ACSM3: variants seen among roughly 807,000 people sequenced by gnomAD.
ACSM3 encodes the protein acyl-CoA synthetase medium chain family member 3, also known as acyl-coenzyme A synthetase ACSM3, mitochondrial.
ACSM3 carries 61 observed loss-of-function variants against 74.1 expected under a neutral mutation model. The ratio of observed to expected loss-of-function variants is 0.82; its 90% CI spans 0.67 to 1.02. The LOEUF is 1.02. Ranked by LOEUF, ACSM3 falls within the 50% of genes least tolerant of loss-of-function variation. The probability of loss-of-function intolerance (pLI) is 0.00; values close to 1 mark genes in which losing one functional copy is unlikely to be tolerated. For missense variants in ACSM3, 660 were observed against 697.0 expected (o/e 0.95, Z 0.60); for synonymous variants, 213 against 241.5 (o/e 0.88, Z 1.09).
At chr16:20,733,431 AAAGT>A (rs1182476473) in intron 1 of ACSM3, among the ~76,000 whole-genome samples, 50 of 152,164 alleles carry the variant, frequency 3.3e-4, no homozygotes, top group African/African-American at 1.2e-3. Flanking sequence ...GAATTTAATG[AAAGT>A]AAGTACTGTA....
chr16:20,745,573 G>A (rs2079954148), intron 1 of ACSM3, among the ~76,000 whole-genome samples: 2 of 135,540 alleles, frequency 1.5e-5, no homozygotes, highest in South Asian at 5.2e-4. Context: ...AATAGACTCT[G>A]TCTCAAAATA....
chr16:20,773,835 T>C (rs1466862258), intron 2 of ACSM3, among the ~76,000 whole-genome samples: 1 of 152,232 alleles, frequency 6.6e-6, no homozygotes, highest in Non-Finnish European at 1.5e-5. Flanking sequence ...GTGTATTCTG[T>C]AGCTGTTGGA....
intron 1 of ACSM3, among the ~76,000 whole-genome samples, chr16:20,693,337 C>A (rs1157440998): frequency 6.6e-6 from 1 of 152,130 alleles, no homozygotes; most frequent in Non-Finnish European, 1.5e-5. Context: ...CCCTTCAGAT[C>A]CTGAAATATG....
At chr16:20,791,785 G>A (rs932635609) in intron 10 of ACSM3, among the ~76,000 whole-genome samples, 8 of 152,178 alleles carry the variant, frequency 5.3e-5, no homozygotes, top group Non-Finnish European at 8.8e-5. Context: ...AAAATTAGCC[G>A]GGTGTGGTGG....
intron 8 of ACSM3, 40 bp downstream of exon 8, chr16:20,785,147 T>G: frequency 6.2e-7 from 1 of 1,608,944 alleles, no homozygotes; most frequent in Non-Finnish European, 8.5e-7. Flanking sequence ...GGATTCCATT[T>G]AGTCAGATGA....
At chr16:20,718,157 AT>A (rs1412475335) in intron 1 of ACSM3, among the ~76,000 whole-genome samples, 1 of 152,166 alleles carries the variant, frequency 6.6e-6, no homozygotes, top group Middle Eastern at 3.2e-3. Context: ...GAACTGTAAA[AT>A]TTTAGCAGAG....
chr16:20,735,429 C>T (rs527963044), intron 1 of ACSM3: 2 of 151,072 alleles, frequency 1.3e-5, no homozygotes, highest in African/African-American at 4.9e-5. Context: ...TACAGGTAAC[C>T]AGTTTTGTAA....
rs2079545090 is a variant in ACSM3, at chr16:20,685,851, A to AAAAAAAT, written c.-190+11031_-190+11032insAAAATAA. On this transcript the variant is annotated intron_variant, in intron 1 of 3. Transcript: ENST00000561584. ...AAAAAACAAACAAAAAAAAAACAAA[A>AAAAAAAT]AACTTATAGCATCAGGAGAGGTTTA... is the stretch of plus-strand genomic sequence containing the variant. Among the ~76,000 whole-genome samples the AAAAAAAT allele has an allele frequency of 1.4e-5, 2 of 146,804 alleles. 1 individual carries two copies. Among genetic ancestry groups the AAAAAAAT allele is most frequent in the Non-Finnish European group, 3.0e-5 (2 of 66,460 alleles).
intron 1 of ACSM3, among the ~76,000 whole-genome samples, chr16:20,716,896 C>A (rs1348292843): frequency 6.6e-6 from 1 of 152,192 alleles, no homozygotes; most frequent in Non-Finnish European, 1.5e-5. Context: ...AATCATGGAG[C>A]TATCTTTGTA....
At chr16:20,738,499 A>T (rs1478162377) in intron 1 of ACSM3, among the ~76,000 whole-genome samples, 1 of 152,110 alleles carries the variant, frequency 6.6e-6, no homozygotes, top group African/African-American at 2.4e-5. Context: ...CTGCTCCGAA[A>T]ATTTGTAAAT....
intron 9 of ACSM3, among the ~76,000 whole-genome samples, chr16:20,788,852 A>ACATATTT (rs2080531303): frequency 6.6e-6 from 1 of 152,188 alleles, no homozygotes; most frequent in African/African-American, 2.4e-5. Context: ...TCTTTAGATA[A>ACATATTT]CTGGGTGGGA....
At chr16:20,676,232 A>G (rs1236065530) in intron 1 of ACSM3, 2 of 152,220 alleles carry the variant, frequency 1.3e-5, no homozygotes, top group African/African-American at 4.8e-5. Flanking sequence ...GCCTCTTAAG[A>G]GGACAAGAGG....
chr16:20,789,527 C>T (rs1416979984), intron 9 of ACSM3: 1 of 1,613,710 alleles, frequency 6.2e-7, no homozygotes, highest in East Asian at 2.2e-5. Context: ...TCATATTGGG[C>T]TTCTGAAGTA....
chr16:20,741,472 T>G (rs1024784147), intron 1 of ACSM3: 1 of 1,431,828 alleles, frequency 7.0e-7, no homozygotes, highest in Non-Finnish European at 9.3e-7. Flanking sequence ...CCGCAAGGCC[T>G]GGCAGCCGGC....
At chr16:20,698,657 C>T (rs1035036496) in intron 1 of ACSM3, among the ~76,000 whole-genome samples, 6 of 152,046 alleles carry the variant, frequency 3.9e-5, no homozygotes, top group East Asian at 1.9e-4. Context: ...TATAGGTGCC[C>T]GCCACCACAC....
At chr16:20,780,945 T>A in intron 5 of ACSM3, 29 bp from the exon 6 acceptor site, 29 of 1,613,476 alleles carry the variant, frequency 1.8e-5, no homozygotes, top group Non-Finnish European at 2.5e-5. Flanking sequence ...TTTTCCTATG[T>A]ACATCAGGGC....
intron 5 of ACSM3, 32 bp from the exon 6 acceptor site, chr16:20,780,942 A>G (rs1256698871): frequency 1.9e-6 from 3 of 1,613,100 alleles, no homozygotes; most frequent in East Asian, 2.2e-5. Context: ...TTATTTTCCT[A>G]TGTACATCAG....
At chr16:20,758,023 T>G (rs1349880964) in intron 3 of ACSM3, among the ~76,000 whole-genome samples, 1 of 152,158 alleles carries the variant, frequency 6.6e-6, no homozygotes, top group Non-Finnish European at 1.5e-5. Context: ...GATGTGCTGC[T>G]GGATTCGGTT....
intron 1 of ACSM3, chr16:20,711,623 A>C: frequency 2.0e-6 from 2 of 1,010,552 alleles, no homozygotes; most frequent in Non-Finnish European, 3.0e-6. Context: ...TTTAAGACCA[A>C]ACTCCTGGTG....
Sources: gnomAD v4.1 joint callset for allele counts (sites outside exome capture counted in the v4.1 genomes callset) on GRCh38, gnomAD v4.1.1 for gene constraint, MANE v1.5 for transcripts, NCBI Gene and HGNC (gene_info 2026-07-23, HGNC 2026-07-21) for gene names.